ACAP2: variants seen among roughly 807,000 people sequenced by gnomAD.
ACAP2 encodes the protein arf-GAP with coiled-coil, ANK repeat and PH domain-containing protein 2.
ACAP2 carries 39 observed loss-of-function variants against 115.8 expected under a neutral mutation model. The observed-to-expected ratio is 0.34, with a 90% CI of 0.26 to 0.44. The LOEUF is 0.44. Ranked by LOEUF, ACAP2 falls within the 20% of genes least tolerant of loss-of-function variation. ACAP2 has a pLI of 1.00. For synonymous variants in ACAP2, 289 were observed against 315.8 expected (o/e 0.92, Z 0.90); for missense variants, 662 against 927.6 (o/e 0.71, Z 3.72).
Position 195,302,867 on chromosome 3 carries a change from T to G in ACAP2, c.1117-693A>C, listed in dbSNP as rs535629566. ...TAGGAAGCTGAAGCGGGAGGACCAC[T>G]TGGGTCCAGGTGTTCAAGATCAGCC... On this transcript the variant is annotated intron_variant, in intron 13 of 22. Transcript: ENST00000326793. Among the ~76,000 whole-genome samples the G allele has an allele frequency of 1.3e-4, 20 of 152,250 alleles. No individual in the cohort carries two copies. In the South Asian group the frequency reaches 3.1e-3, roughly 24 times the overall value.
intron 11 of ACAP2, among the ~76,000 whole-genome samples, chr3:195,308,218 A>C (rs905479965): frequency 5.3e-5 from 8 of 152,050 alleles, no homozygotes; most frequent in Non-Finnish European, 1.2e-4. Context: ...CTGTCCTATA[A>C]CCTTTGGCCC....
chr3:195,418,139 T>C (rs548950926), intron 1 of ACAP2, among the ~76,000 whole-genome samples: 48 of 152,304 alleles, frequency 3.2e-4, no homozygotes, highest in African/African-American at 1.0e-3. Context: ...AGCCCTCTTC[T>C]CTTCTTAAAC....
intron 4 of ACAP2, among the ~76,000 whole-genome samples, chr3:195,359,062 C>G (rs2108689029): frequency 6.6e-6 from 1 of 152,220 alleles, no homozygotes; most frequent in Middle Eastern, 3.4e-3. Flanking sequence ...CTTTTTTACT[C>G]TAGAATAGCA....
intron 1 of ACAP2, among the ~76,000 whole-genome samples, chr3:195,431,769 AG>A (rs1042528138): frequency 6.6e-6 from 1 of 151,928 alleles, no homozygotes; most frequent in Non-Finnish European, 1.5e-5. Context: ...TTCTTATCTT[AG>A]GAACTCCCAA....
chr3:195,337,446 CTTT>C (rs11411412), intron 6 of ACAP2, among the ~76,000 whole-genome samples: 2,895 of 131,490 alleles, frequency 0.022, 89 homozygotes, highest in East Asian at 0.11. Flanking sequence ...AACCAGTCAT[CTTT>C]TTTTTTTTTT....
intron 1 of ACAP2, among the ~76,000 whole-genome samples, chr3:195,408,436 C>T (rs1712972565): frequency 6.6e-6 from 1 of 152,090 alleles, no homozygotes; most frequent in South Asian, 2.1e-4. Context: ...TGGACTCCAG[C>T]CTGGGTGACA....
intron 6 of ACAP2, among the ~76,000 whole-genome samples, chr3:195,337,446 CTTTTTTTTTT>C (rs11411412): frequency 7.6e-6 from 1 of 131,552 alleles, no homozygotes; most frequent in African/African-American, 2.9e-5. Context: ...AACCAGTCAT[CTTTTTTTTTT>C]TTTTTTTTTG....
chr3:195,312,272 T>C (rs1728820350), intron 10 of ACAP2, among the ~76,000 whole-genome samples: 1 of 152,092 alleles, frequency 6.6e-6, no homozygotes, highest in South Asian at 2.1e-4. Flanking sequence ...AGCCTGAACA[T>C]GAATGCTCCT....
At chr3:195,325,019 A>C (rs1195779962) in intron 9 of ACAP2, among the ~76,000 whole-genome samples, 2 of 152,214 alleles carry the variant, frequency 1.3e-5, no homozygotes, top group Non-Finnish European at 2.9e-5. Flanking sequence ...AATAGATATA[A>C]GATAAGGTGC....
At chr3:195,281,128 C>T (rs910313898) in intron 22 of ACAP2, among the ~76,000 whole-genome samples, 1 of 152,078 alleles carries the variant, frequency 6.6e-6, no homozygotes, top group African/African-American at 2.4e-5. Context: ...ACTTTTGGCC[C>T]GGCCGGGTGG....
At chr3:195,379,989 A>G (rs904767632) in intron 4 of ACAP2, among the ~76,000 whole-genome samples, 8 of 152,200 alleles carry the variant, frequency 5.3e-5, no homozygotes, top group Non-Finnish European at 1.2e-4. Context: ...ATTGACAATA[A>G]CAAGTGTTGA....
At chr3:195,348,055 T>TAAA (rs59102931) in intron 4 of ACAP2, among the ~76,000 whole-genome samples, 3,548 of 145,916 alleles carry the variant, frequency 0.024, 110 homozygotes, top group African/African-American at 0.077. Context: ...AGAAAACTTG[T>TAAA]AAAAAAAAAA....
intron 20 of ACAP2, 99 bp downstream of exon 20, chr3:195,291,606 CA>C (rs1224251904): frequency 1.2e-6 from 1 of 851,796 alleles, no homozygotes; most frequent in Non-Finnish European, 1.7e-6. Flanking sequence ...CATCTCTTTA[CA>C]AACACTACCT....
intron 1 of ACAP2, among the ~76,000 whole-genome samples, chr3:195,423,582 C>T (rs768269659): frequency 7.1e-6 from 1 of 141,246 alleles, no homozygotes; most frequent in Non-Finnish European, 1.5e-5. Context: ...GCAATCGCAC[C>T]ACTGCACTCC....
intron 4 of ACAP2, among the ~76,000 whole-genome samples, chr3:195,368,413 G>A (rs549008287): frequency 6.6e-6 from 1 of 152,252 alleles, no homozygotes; most frequent in African/African-American, 2.4e-5. Context: ...GCCTCCCATA[G>A]TGCTGGGATG....
intron 10 of ACAP2, among the ~76,000 whole-genome samples, chr3:195,311,185 T>C (rs1728747155): frequency 6.7e-6 from 1 of 149,100 alleles, no homozygotes; most frequent in Non-Finnish European, 1.5e-5. Flanking sequence ...AAACTTCCAC[T>C]TCCTGGGTTC....
intron 1 of ACAP2, among the ~76,000 whole-genome samples, chr3:195,415,018 C>T (rs1577444399): frequency 6.6e-6 from 1 of 152,246 alleles, no homozygotes. Flanking sequence ...AATTTTAAGG[C>T]AGCGAAACTA....
chr3:195,356,231 G>A (rs960764887), intron 4 of ACAP2: 11 of 455,914 alleles, frequency 2.4e-5, no homozygotes, highest in African/African-American at 1.4e-4. Flanking sequence ...AAGCCGGAAC[G>A]CAGTGCTGCC....
At position 195,381,049 on chromosome 3, in the gene ACAP2, T is replaced by C; in HGVS notation, c.245A>G (p.Lys82Arg). Residue 82 changes from lysine (K) to arginine (R), a missense_variant, in exon 4 of 23, where the codon AAG (lysine) becomes AGG (arginine). By Grantham distance (26) the Lys-to-Arg change is conservative (BLOSUM62 2). Around this residue, in one of 3 missense-constraint regions of ACAP2, gnomAD observed 401 missense variants for 604.4 expected, o/e 0.66. Coordinates refer to ENST00000326793, the MANE Select transcript of ACAP2 (RefSeq NM_012287.6). ...CATTTCTTGAAGACTGTCAGAAAAC[T>C]TGGTCAAACTTGTCTATGAGAAAAA... ...NDAVVETSLTKFSDSLQEMIN... is the reference protein window; with the variant it reads ...NDAVVETSLTRFSDSLQEMIN... 2 of 1,601,988 alleles carry C rather than the reference T, an allele frequency of 1.2e-6. No individual in the cohort carries two copies. Among genetic ancestry groups the C allele is most frequent in the Non-Finnish European group, 1.7e-6 (2 of 1,177,638 alleles).
Sources: allele counts gnomAD v4.1 joint callset (sites outside exome capture counted in the v4.1 genomes callset), GRCh38; gene constraint gnomAD v4.1.1; regional missense constraint gnomAD v4.1.1; transcripts MANE v1.5; gene names NCBI Gene and HGNC (gene_info 2026-07-23, HGNC 2026-07-21).